The following ARHGAP23 variants were observed in gnomAD, a reference collection of about 807,000 sequenced individuals.
ARHGAP23 encodes the protein Rho GTPase activating protein 23.
ARHGAP23 carries 34 observed loss-of-function variants against 136.3 expected under a neutral mutation model. The observed-to-expected ratio is 0.25, with a 90% confidence interval of 0.19 to 0.33. The LOEUF is 0.33. Ranked by LOEUF, ARHGAP23 falls within the 10% of genes least tolerant of loss-of-function variation. The pLI, the probability that ARHGAP23 is intolerant of heterozygous loss-of-function variation, is 1.00. For missense variants in ARHGAP23, 1,808 were observed against 2,139.0 expected, an observed-to-expected ratio of 0.85 and a Z score of 3.05; for synonymous variants, 832 against 920.5, an observed-to-expected ratio of 0.90 and a Z score of 1.74.
chr17:38,422,226 A>G (rs1194212910), intron 1 of ARHGAP23, among the ~76,000 whole-genome samples: 1 of 152,188 alleles, frequency 6.6e-6, no homozygotes, highest in Non-Finnish European at 1.5e-5. Flanking sequence ...TTCCTCATTT[A>G]CATAGCGGGG....
At chr17:38,460,139 C>T (rs549172266) in intron 2 of ARHGAP23, among the ~76,000 whole-genome samples, 4 of 152,318 alleles carry the variant, frequency 2.6e-5, no homozygotes, top group Admixed American at 2.6e-4. Flanking sequence ...CCTCCTTCCT[C>T]ATTCCCCCAC....
chr17:38,483,746 A>C (rs2040098681), intron 16 of ARHGAP23, among the ~76,000 whole-genome samples: 1 of 152,162 alleles, frequency 6.6e-6, no homozygotes, highest in African/African-American at 2.4e-5. Flanking sequence ...CACTGTGATG[A>C]GGAAGGAGAG....
At chr17:38,428,407 C>T (rs1377145833), upstream of ARHGAP23, 82 of 703,986 alleles carry the variant, frequency 1.2e-4, no homozygotes, top group Non-Finnish European at 1.6e-4. Context: ...CGCTCGGCCC[C>T]GCCCCCGGCC....
chr17:38,429,802 C>T (rs1227935829), intron 1 of ARHGAP23, among the ~76,000 whole-genome samples: 1 of 152,142 alleles, frequency 6.6e-6, no homozygotes, highest in Non-Finnish European at 1.5e-5. Context: ...CCCCTGCACC[C>T]CTCTCTGTCT....
intron 17 of ARHGAP23, among the ~76,000 whole-genome samples, chr17:38,487,474 C>T (rs1305128618): frequency 6.6e-6 from 1 of 152,162 alleles, no homozygotes; most frequent in Non-Finnish European, 1.5e-5. Flanking sequence ...AGACCAGTGT[C>T]AATTGCACTC....
intron 1 of ARHGAP23, among the ~76,000 whole-genome samples, chr17:38,452,792 G>C (rs987671077): frequency 2.6e-5 from 4 of 152,166 alleles, no homozygotes; most frequent in African/African-American, 9.7e-5. Flanking sequence ...AGCCAGGAAG[G>C]CGAGCAGGGC....
chr17:38,458,255 A>C lies in ARHGAP23; in HGVS notation c.217A>C (p.Ser73Arg). Reference protein sequence around the residue: ...VYPPESAVHCSLKEEENGGRG... With the variant: ...VYPPESAVHCRLKEEENGGRG... ...CCCACCCGAGTCGGCCGTGCACTGC[A>C]GCCTGAAGGTATGCCCGGCTCGCCG... Residue 73 changes from serine (S) to arginine (R), a missense_variant, in exon 2 of 24, where the codon AGC becomes CGC. By Grantham distance (110) the Ser-to-Arg change is moderately radical (BLOSUM62 -1). Around this residue, in one of 7 missense-constraint regions of ARHGAP23, gnomAD observed 859 missense variants for 936.4 expected, o/e 0.92. Coordinates refer to ENST00000622683, the MANE Select transcript of ARHGAP23 (RefSeq NM_001199417.2). 1 of 1,523,330 alleles carries C rather than the reference A, an allele frequency of 6.6e-7. No homozygotes were observed. The highest frequency in any genetic ancestry group is 8.8e-7 in the Non-Finnish European group (1 of 1,139,220). 94.4% of individuals were successfully genotyped at this position (1,523,330 alleles called of 1,614,324 possible).
At chr17:38,488,911 T>C (rs1489838421) in intron 17 of ARHGAP23, among the ~76,000 whole-genome samples, 4 of 152,052 alleles carry the variant, frequency 2.6e-5, no homozygotes, top group African/African-American at 9.7e-5. Context: ...AGTCTCACCC[T>C]GTCATCCAGG....
At chr17:38,503,099 C>T (rs1880836145) in intron 23 of ARHGAP23, among the ~76,000 whole-genome samples, 1 of 152,152 alleles carries the variant, frequency 6.6e-6, no homozygotes, top group Non-Finnish European at 1.5e-5. Flanking sequence ...TATTTACTTG[C>T]CAATGGGAAT....
intron 6 of ARHGAP23, among the ~76,000 whole-genome samples, chr17:38,463,734 T>C (rs1283431648): frequency 6.6e-6 from 1 of 152,024 alleles, no homozygotes; most frequent in Non-Finnish European, 1.5e-5. Context: ...CTGGTGGGTG[T>C]GTCCACACAG....
At chr17:38,499,337 A>C (rs1460622760) in intron 22 of ARHGAP23, among the ~76,000 whole-genome samples, 1 of 152,126 alleles carries the variant, frequency 6.6e-6, no homozygotes, top group African/African-American at 2.4e-5. Context: ...CTTTATCTCT[A>C]ACTCCTGCCT....
upstream of ARHGAP23, among the ~76,000 whole-genome samples, chr17:38,423,754 G>A (rs890106141): frequency 2.6e-5 from 4 of 152,002 alleles, no homozygotes; most frequent in South Asian, 6.3e-4. Flanking sequence ...GCCTGTGGGG[G>A]ACAAGTAGAG....
At chr17:38,484,866 G>A (rs2040125625) in intron 16 of ARHGAP23, among the ~76,000 whole-genome samples, 1 of 152,190 alleles carries the variant, frequency 6.6e-6, no homozygotes, top group Admixed American at 6.5e-5. Flanking sequence ...TGGTGAGCCT[G>A]TGGGGAGTGT....
rs560053921 is a variant in ARHGAP23, at chr17:38,504,885, C to T, written c.3447+4257C>T. ...CCTGTGTGGATGGTTTAGGCTGTCC[C>T]GGGTAGGAGTGTGGCCAGGCACACA... is the stretch of plus-strand genomic sequence containing the variant. On this transcript the variant is annotated intron_variant, in intron 23 of 23. Coordinates refer to ENST00000622683, the MANE Select transcript of ARHGAP23 (RefSeq NM_001199417.2). Among the ~76,000 whole-genome samples the T allele has an allele frequency of 4.0e-5, 6 of 148,202 alleles. No individual in the cohort carries two copies. In the South Asian group the frequency reaches 6.6e-4, roughly 16 times the overall value.
At chr17:38,420,597 T>G in intron 1 of ARHGAP23, among the ~76,000 whole-genome samples, 1 of 149,572 alleles carries the variant, frequency 6.7e-6, no homozygotes. Context: ...TCGGGGGAGG[T>G]GGAGTCCGTG....
intron 2 of ARHGAP23, among the ~76,000 whole-genome samples, chr17:38,459,818 C>G (rs1411083064): frequency 2.0e-5 from 3 of 152,234 alleles, no homozygotes; most frequent in Non-Finnish European, 2.9e-5. Context: ...CTGCCACTCT[C>G]TCGCAGTGCT....
chr17:38,500,335 C>T lies in ARHGAP23; in HGVS notation c.3416-262C>T, dbSNP rs1294903626. ...ACAATGCCCCCTTGCCCTTAGCCAT[C>T]GGTAAATGAGGGGCCAGTGGCTGGC... On this transcript the variant is annotated intron_variant, in intron 22 of 23. Coordinates refer to ENST00000622683, the MANE Select transcript of ARHGAP23 (RefSeq NM_001199417.2). 4.3e-5 allele frequency: 23 copies of T among 539,078 alleles called. No individual in the cohort carries two copies. The Admixed American group carries it at 4.6e-4, about 11-fold the overall frequency. The allele number at this position is 539,078 out of a possible 1,614,324, so 33.4% of individuals were successfully genotyped here.
chr17:38,421,426 C>T (rs1009968667), intron 1 of ARHGAP23, among the ~76,000 whole-genome samples: 8 of 152,150 alleles, frequency 5.3e-5, no homozygotes, highest in African/African-American at 1.4e-4. Flanking sequence ...GGTTAACGCC[C>T]GGCTTTCTGG....
intron 1 of ARHGAP23, among the ~76,000 whole-genome samples, chr17:38,445,538 A>G (rs1229880648): frequency 6.6e-6 from 1 of 152,080 alleles, no homozygotes; most frequent in Admixed American, 6.5e-5. Context: ...TTTTAACTGT[A>G]AAGTGGCATT....
Sources: allele counts gnomAD v4.1 joint callset (sites outside exome capture counted in the v4.1 genomes callset), GRCh38; gene constraint gnomAD v4.1.1; regional missense constraint gnomAD v4.1.1; transcripts MANE v1.5; gene names NCBI Gene and HGNC (gene_info 2026-07-23, HGNC 2026-07-21).